The following RYR2 variants were observed in gnomAD, a reference collection of about 807,000 sequenced individuals.
RYR2 encodes the protein cardiac muscle ryanodine receptor-calcium release channel.
In RYR2, 227 loss-of-function variants were observed where a neutral mutation model predicts 601.1. The observed-to-expected ratio is 0.38, with a 90% CI of 0.34 to 0.42. The LOEUF is 0.42. Ranked by LOEUF, RYR2 falls within the 10% of genes least tolerant of loss-of-function variation. RYR2 has a pLI of 1.00. For synonymous variants in RYR2, 2,223 were observed against 2,175.1 expected (o/e 1.02, Z -0.61); for missense variants, 4,646 against 6,156.5 (o/e 0.75, Z 8.21).
Position 237,506,808 on chromosome 1 carries a change from T to A in RYR2, c.2712T>A (p.Tyr904Ter). The A allele has an allele frequency of 6.2e-7, 1 of 1,611,378 alleles. No homozygotes were observed. The highest frequency in any genetic ancestry group is 1.1e-5 in the South Asian group (1 of 90,948). Residue 904 changes from tyrosine (Y) to a stop codon, truncating the protein, a stop_gained, in exon 23 of 105, where the codon TAT becomes TAA. Coordinates refer to ENST00000366574, the MANE Select transcript of RYR2 (RefSeq NM_001035.3). LOFTEE classifies it high-confidence loss of function. ...ATAAAATTGAGCTTGGCTGGCAGTA[T>A]GGTCCGGTATGTAATTTTGAAATTT... is the stretch of plus-strand genomic sequence containing the variant. Reference protein sequence around the residue: ...VMNKIELGWQYGPVRDDNKRQ... With the variant: ...VMNKIELGWQ
chr1:237,235,123 C>G (rs889762478), intron 1 of RYR2, among the ~76,000 whole-genome samples: 30 of 152,298 alleles, frequency 2.0e-4, no homozygotes, highest in African/African-American at 7.0e-4. Context: ...GATGTCTTCT[C>G]TCCAGTTCTT....
intron 8 of RYR2, among the ~76,000 whole-genome samples, chr1:237,378,361 G>A (rs1031160268): frequency 1.3e-5 from 2 of 152,246 alleles, no homozygotes; most frequent in Middle Eastern, 3.2e-3. Context: ...TTAGTAAGTT[G>A]TAGTTTTGCC....
At chr1:237,102,212 G>C (rs923483619) in intron 1 of RYR2, among the ~76,000 whole-genome samples, 1 of 152,188 alleles carries the variant, frequency 6.6e-6, no homozygotes, top group Admixed American at 6.5e-5. Context: ...CAGGTGGGGG[G>C]AGTGCTCCAA....
chr1:237,474,244 GATATATACAT>G (rs1490993246), intron 17 of RYR2, among the ~76,000 whole-genome samples: 13 of 122,540 alleles, frequency 1.1e-4, no homozygotes, highest in African/African-American at 3.1e-4. Context: ...TATATGTATA[GATATATACAT>G]ATGTATAGAT....
chr1:237,383,531 G>C (rs778080068), intron 8 of RYR2, among the ~76,000 whole-genome samples: 1 of 134,126 alleles, frequency 7.5e-6, no homozygotes, highest in Non-Finnish European at 1.5e-5. Context: ...CCGGGTTCAC[G>C]CCATTCTCCT....
At chr1:237,708,394 G>T (rs562993242) in intron 68 of RYR2, among the ~76,000 whole-genome samples, 28 of 152,102 alleles carry the variant, frequency 1.8e-4, no homozygotes, top group African/African-American at 6.8e-4. Flanking sequence ...AACAACTATG[G>T]TTATTATTAA....
rs1414504472 is a variant in RYR2 at position 237,652,041 on chromosome 1, G to GA, written c.7824+547dup. 2.7e-5 allele frequency among the ~76,000 whole-genome samples: 4 copies of GA among 150,644 alleles called. No individual in the cohort carries two copies. The East Asian group carries it at 5.9e-4, about 22-fold the overall frequency. ...ACAGAGCGAGACTCCGTCAAAAAAA[G>GA]AAAAAAAGGACCACAGGGAAAAGAT... On this transcript the variant is annotated intron_variant, in intron 51 of 104. Coordinates refer to ENST00000366574, the MANE Select transcript of RYR2 (RefSeq NM_001035.3).
chr1:237,690,181 A>G lies in RYR2; in HGVS notation c.9067+2677A>G, dbSNP rs550229208. Among the ~76,000 whole-genome samples the G allele has an allele frequency of 2.8e-3, 434 of 152,292 alleles. 4 individuals carry two copies. The highest frequency in any genetic ancestry group is 3.9e-3 in the Non-Finnish European group (262 of 68,024). On this transcript the variant is annotated intron_variant, in intron 63 of 104. Coordinates refer to ENST00000366574, the MANE Select transcript of RYR2 (RefSeq NM_001035.3). ...CATTTAAGCTTCACATATTATGGGT[A>G]TTGGTATAGTATTTAAATGTCACAT...
At chr1:237,057,558 G>A (rs1177984659) in intron 1 of RYR2, among the ~76,000 whole-genome samples, 12 of 152,100 alleles carry the variant, frequency 7.9e-5, no homozygotes, top group Admixed American at 7.9e-4. Context: ...GATTGCCAGA[G>A]ACCCAGAAGC....
intron 62 of RYR2, among the ~76,000 whole-genome samples, chr1:237,684,770 C>CATATATATAT (rs796412616): frequency 1.9e-3 from 69 of 35,966 alleles, no homozygotes; most frequent in African/African-American, 5.2e-3. Flanking sequence ...ATTATCTGAA[C>CATATATATAT]ACATATATAT....
intron 25 of RYR2, among the ~76,000 whole-genome samples, chr1:237,546,443 T>C (rs1297812774): frequency 6.6e-6 from 1 of 152,198 alleles, no homozygotes; most frequent in Non-Finnish European, 1.5e-5. Flanking sequence ...AGTGGCACAA[T>C]CTCGGCTCAC....
At chr1:237,340,544 T>TA (rs1697679695) in intron 3 of RYR2, among the ~76,000 whole-genome samples, 1 of 152,218 alleles carries the variant, frequency 6.6e-6, no homozygotes, top group South Asian at 2.1e-4. Flanking sequence ...TGTGTGTTTA[T>TA]ATTGTAGACA....
chr1:237,360,029 A>G (rs1389982299), intron 4 of RYR2, among the ~76,000 whole-genome samples: 2 of 152,216 alleles, frequency 1.3e-5, no homozygotes, highest in Non-Finnish European at 2.9e-5. Context: ...AAATATGATG[A>G]TGCTGTTGTA....
In RYR2 at chr1:237,833,248, G is replaced by T. The variant is rs1664007979; in HGVS notation, c.*601G>T. On this transcript the variant is annotated 3_prime_UTR_variant, in exon 105 of 105. Coordinates refer to ENST00000366574, the MANE Select transcript of RYR2 (RefSeq NM_001035.3). ...TTTCCTTTAGTCTTTTCTTTAGTGG[G>T]GGAGGGTAAGAAAAGCAGTTTGCAC... 1 of 147,670 alleles carries T rather than the reference G, an allele frequency of 6.8e-6. No homozygotes were observed. The highest frequency in any genetic ancestry group is 1.5e-5 in the Non-Finnish European group (1 of 67,188). The allele number at this position is 147,670 out of a possible 1,614,324, so 9.1% of individuals were successfully genotyped here.
rs2149066547 is a variant in RYR2 at position 237,708,882 on chromosome 1, A to G, written c.9926A>G (p.Lys3309Arg). Residue 3309 changes from lysine (K) to arginine (R), a missense_variant, in exon 69 of 105, where the codon AAA (lysine) becomes AGA (arginine). Physicochemically the swap from Lys to Arg is conservative, Grantham distance 26. Around this residue, in one of 17 missense-constraint regions of RYR2, gnomAD observed 1,497 missense variants for 1,842.6 expected, o/e 0.81. Coordinates refer to ENST00000366574, the MANE Select transcript of RYR2 (RefSeq NM_001035.3). ...LAVFSQPIIN[K>R]VKPQLLKTHF... ...GTGTTTTCCCAGCCTATAATAAATA[A>G]AGTGAAACCTCAGCTCTTGAAAACT... is the stretch of plus-strand genomic sequence containing the variant. 1 of 1,611,142 alleles carries G rather than the reference A, an allele frequency of 6.2e-7. No homozygotes were observed. The highest frequency in any genetic ancestry group is 8.5e-7 in the Non-Finnish European group (1 of 1,177,896).
At chr1:237,567,481 A>G (rs1672213002) in intron 28 of RYR2, among the ~76,000 whole-genome samples, 1 of 151,752 alleles carries the variant, frequency 6.6e-6, no homozygotes, top group South Asian at 2.1e-4. Context: ...TCCCAGCTAC[A>G]TACGAGGCTG....
intron 3 of RYR2, among the ~76,000 whole-genome samples, chr1:237,348,627 T>TG (rs1422707707): frequency 1.3e-5 from 2 of 152,168 alleles, no homozygotes. Context: ...TAGGTACATC[T>TG]TTTCTGGAGG....
At chr1:237,331,804 G>C (rs551252161) in intron 3 of RYR2, among the ~76,000 whole-genome samples, 8 of 151,808 alleles carry the variant, frequency 5.3e-5, no homozygotes, top group African/African-American at 1.9e-4. Context: ...GTGAGCCACC[G>C]CGCCCAGCCC....
chr1:237,511,819 C>A, intron 24 of RYR2, 28 bp downstream of exon 24: 13 of 786,416 alleles, frequency 1.7e-5, no homozygotes, highest in Non-Finnish European at 2.2e-5. Flanking sequence ...TTCTATTTTC[C>A]AACCTGCCTT....
Sources: allele counts gnomAD v4.1 joint callset (sites outside exome capture counted in the v4.1 genomes callset), GRCh38; gene constraint gnomAD v4.1.1; regional missense constraint gnomAD v4.1.1; transcripts MANE v1.5; gene names NCBI Gene and HGNC (gene_info 2026-07-23, HGNC 2026-07-21).